The following PDE6A variants were observed in gnomAD, a reference collection of about 807,000 sequenced individuals.
The protein encoded by PDE6A is phosphodiesterase 6A.
A neutral mutation model predicts 106.3 loss-of-function variants in PDE6A; 84 were observed. That is an observed-to-expected ratio of 0.79 (90% CI 0.66 to 0.95). PDE6A has a LOEUF of 0.95. PDE6A is among the 40% of genes least tolerant of loss of function. The probability of loss-of-function intolerance (pLI) is 0.00; values close to 1 mark genes in which losing one functional copy is unlikely to be tolerated. For missense variants in PDE6A, 1,052 were observed against 1,084.9 expected (o/e 0.97, Z 0.43); for synonymous variants, 394 against 386.6 (o/e 1.02, Z -0.23).
At chr5:149,894,591 C>T (rs1223917750) in intron 13 of PDE6A, among the ~76,000 whole-genome samples, 2 of 150,878 alleles carry the variant, frequency 1.3e-5, no homozygotes, top group Non-Finnish European at 2.9e-5. Context: ...ATTATGCCCC[C>T]AAGCAAAGAC....
intron 4 of PDE6A, among the ~76,000 whole-genome samples, chr5:149,928,479 G>T (rs1449784616): frequency 1.3e-5 from 2 of 151,588 alleles, no homozygotes; most frequent in East Asian, 3.9e-4. Flanking sequence ...CTCGTGATCC[G>T]CCTGCCTCGG....
intron 4 of PDE6A, among the ~76,000 whole-genome samples, chr5:149,928,422 G>C (rs1159805044): frequency 1.3e-5 from 2 of 150,628 alleles, no homozygotes; most frequent in African/African-American, 4.9e-5. Flanking sequence ...ATTTTTAGTA[G>C]AGACGGGGTT....
intron 6 of PDE6A, among the ~76,000 whole-genome samples, chr5:149,908,293 T>A (rs907202974): frequency 2.6e-5 from 4 of 152,222 alleles, no homozygotes; most frequent in Non-Finnish European, 5.9e-5. Flanking sequence ...CTGTCAACAT[T>A]GGTGCATATG....
intron 16 of PDE6A, among the ~76,000 whole-genome samples, chr5:149,883,877 A>G (rs945360614): frequency 6.6e-6 from 1 of 152,132 alleles, no homozygotes; most frequent in Admixed American, 6.5e-5. Flanking sequence ...AATTGGAACT[A>G]TGATGTTTGT....
Position 149,884,500 on chromosome 5 carries a change from G to C in PDE6A, c.2006C>G (p.Thr669Arg). ...CAACTTGAAATACAGGGCGAGGTCTGTGGCAATGATTGCAATGTCCATCAT... is the reference window on the plus strand; with the variant it reads ...CAACTTGAAATACAGGGCGAGGTCTCTGGCAATGATTGCAATGTCCATCAT... ...IHMMDIAIIATDLALYFKKRT... is the reference protein window; with the variant it reads ...IHMMDIAIIARDLALYFKKRT... Residue 669 changes from threonine to arginine, a missense_variant, in exon 16 of 22, where the codon ACA becomes AGA. Thr to Arg is a moderately conservative substitution (Grantham distance 71). This residue lies in a region of PDE6A where 913 missense variants were observed against 915.2 expected (regional missense o/e 1.00). Coordinates refer to ENST00000255266, the MANE Select transcript of PDE6A (RefSeq NM_000440.3). 1.2e-6 allele frequency: 2 copies of C among 1,612,850 alleles called. No individual in the cohort carries two copies. Among genetic ancestry groups the C allele is most frequent in the Non-Finnish European group, 1.7e-6 (2 of 1,178,912 alleles).
chr5:149,915,845 TTGCTGAAACAACC>T (rs1753534153), intron 5 of PDE6A, among the ~76,000 whole-genome samples: 2 of 151,830 alleles, frequency 1.3e-5, no homozygotes, highest in Admixed American at 1.3e-4. Flanking sequence ...TATCTGATAG[TTGCTGAAACAACC>T]TGCTGCAACT....
At chr5:149,900,375 G>GTATATATATA (rs55680278) in intron 8 of PDE6A, among the ~76,000 whole-genome samples, 24,200 of 82,076 alleles carry the variant, frequency 0.29, 5,256 homozygotes, top group Non-Finnish European at 0.34. Context: ...AAATATATAT[G>GTATATATATA]TATATATATA....
At chr5:149,866,663 G>T in intron 19 of PDE6A, 1 of 218,104 alleles carries the variant, frequency 4.6e-6, no homozygotes, top group Non-Finnish European at 9.3e-6. Context: ...AGAAATTGGG[G>T]ATTAGATGAT....
At chr5:149,911,842 C>CAAAAAA (rs11430549) in intron 6 of PDE6A, among the ~76,000 whole-genome samples, 1 of 66,112 alleles carries the variant, frequency 1.5e-5, no homozygotes, top group African/African-American at 5.7e-5. Context: ...TCTCTATTAC[C>CAAAAAA]AAAAAAAAAA....
chr5:149,860,014 C>G lies in PDE6A; in HGVS notation c.*881G>C, dbSNP rs1230573158. 1 of 152,188 alleles carries G rather than the reference C, an allele frequency of 6.6e-6. No individual in the cohort carries two copies. Among genetic ancestry groups the G allele is most frequent in the Admixed American group, 6.6e-5 (1 of 15,256 alleles). 9.4% of individuals were successfully genotyped at this position (152,188 alleles called of 1,614,324 possible). On this transcript the variant is annotated 3_prime_UTR_variant, in exon 22 of 22. Coordinates refer to ENST00000255266, the MANE Select transcript of PDE6A (RefSeq NM_000440.3). ...CCGCCTCCTGGGTTCAAGAGATCCT[C>G]TCACCTCTGCCTCCCAGGTAGCTGA...
chr5:149,870,771 C>CAAAAAAAAAAAAAAAAAAAAAGAA (rs3078093), intron 17 of PDE6A, among the ~76,000 whole-genome samples: 1 of 64,408 alleles, frequency 1.6e-5, no homozygotes, highest in Non-Finnish European at 3.0e-5. Context: ...GAACACAGGG[C>CAAAAAAAAAAAAAAAAAAAAAGAA]AAAAAAAAAA....
chr5:149,932,387 TA>T, intron 3 of PDE6A: 1 of 1,367,298 alleles, frequency 7.3e-7, no homozygotes, highest in Non-Finnish European at 1.0e-6. Flanking sequence ...TTAGCCTAAG[TA>T]CACGAGGTGC....
At chr5:149,898,683 A>G (rs1004455945) in intron 9 of PDE6A, among the ~76,000 whole-genome samples, 177 bp from the exon 10 acceptor site, 1 of 152,158 alleles carries the variant, frequency 6.6e-6, no homozygotes, top group Admixed American at 6.5e-5. Flanking sequence ...AATGGATGTG[A>G]CCACACTGTA....
chr5:149,915,358 C>T (rs765884634), intron 5 of PDE6A, among the ~76,000 whole-genome samples: 10 of 152,132 alleles, frequency 6.6e-5, no homozygotes, highest in Non-Finnish European at 1.2e-4. Flanking sequence ...GGAGTATGTC[C>T]CTGAAACCAA....
chr5:149,859,558 T>A lies in PDE6A; in HGVS notation c.*1337A>T, dbSNP rs1241440685. The A allele has an allele frequency of 2.0e-5, 3 of 151,910 alleles. No homozygotes were observed. Among genetic ancestry groups the A allele is most frequent in the African/African-American group, 7.3e-5 (3 of 41,302 alleles). The allele number at this position is 151,910 out of a possible 1,614,324, so 9.4% of individuals were successfully genotyped here. A position where few individuals can be genotyped will look rare whatever the true frequency, so the allele number is the denominator to read the frequency against. ...CAGCCTTAGTGGACCCCACGAGGAG[T>A]CGTGGAGCTGGAACAGCCCTGCACA... On this transcript the variant is annotated 3_prime_UTR_variant, in exon 22 of 22. Coordinates refer to ENST00000255266, the MANE Select transcript of PDE6A (RefSeq NM_000440.3).
At chr5:149,882,269 C>T (rs145976458) in intron 17 of PDE6A, among the ~76,000 whole-genome samples, 1,918 of 151,946 alleles carry the variant, frequency 0.013, 23 homozygotes, top group South Asian at 0.036. Context: ...CCCCCGTTTC[C>T]GGAGCCTGTC....
rs531832139 is a variant in PDE6A, at chr5:149,874,967, CTG to C, written c.2136-6811_2136-6810del. ...GATCCTCACTGAGCAGATGAGGAAA[CTG>C]AGGTGAGGGAGTAAGTCACCTGCTT... On this transcript the variant is annotated intron_variant, in intron 17 of 21. Coordinates refer to ENST00000255266, the MANE Select transcript of PDE6A (RefSeq NM_000440.3). Among the ~76,000 whole-genome samples, 180 of 152,232 alleles carry C rather than the reference CTG, an allele frequency of 1.2e-3. 1 individual carries two copies. The highest frequency in any genetic ancestry group is 4.2e-3 in the African/African-American group (176 of 41,526).
intron 17 of PDE6A, among the ~76,000 whole-genome samples, chr5:149,879,356 G>A (rs1581161252): frequency 6.6e-6 from 1 of 151,984 alleles, no homozygotes; most frequent in African/African-American, 2.4e-5. Context: ...ACAGGCATGA[G>A]CCACTGTGCC....
intron 6 of PDE6A, 31 bp downstream of exon 6, chr5:149,914,912 G>A: frequency 6.7e-7 from 1 of 1,483,502 alleles, no homozygotes; most frequent in Admixed American, 1.7e-5. Flanking sequence ...CTAATTTGTT[G>A]TCATTTTGTC....
Sources: allele counts gnomAD v4.1 joint callset (sites outside exome capture counted in the v4.1 genomes callset), GRCh38; gene constraint gnomAD v4.1.1; regional missense constraint gnomAD v4.1.1; transcripts MANE v1.5; gene names NCBI Gene and HGNC (gene_info 2026-07-23, HGNC 2026-07-21).